Variants in PTPRN2 observed in about 807,000 individuals in gnomAD.
PTPRN2 encodes receptor-type tyrosine-protein phosphatase N2.
In PTPRN2, 74 loss-of-function variants were observed where a neutral mutation model predicts 118.8. The ratio of observed to expected loss-of-function variants is 0.62; its 90% CI spans 0.52 to 0.76. PTPRN2 has a LOEUF of 0.76. Among genes scored for constraint, PTPRN2 ranks in the 30% least tolerant of loss-of-function variants. The pLI is 0.00. For synonymous variants in PTPRN2, 641 were observed against 608.0 expected (o/e 1.05, Z -0.80); for missense variants, 1,481 against 1,394.4 (o/e 1.06, Z -0.99).
intron 2 of PTPRN2, among the ~76,000 whole-genome samples, chr7:158,410,375 C>T (rs1813946770): frequency 6.6e-6 from 1 of 152,162 alleles, no homozygotes; most frequent in South Asian, 2.1e-4. Flanking sequence ...GTCTCATCCC[C>T]GAGTACCCAG....
At chr7:157,843,984 G>A (rs750251256) in intron 12 of PTPRN2, among the ~76,000 whole-genome samples, 1 of 152,224 alleles carries the variant, frequency 6.6e-6, no homozygotes, top group Non-Finnish European at 1.5e-5. Flanking sequence ...CCACGGAGAG[G>A]AAAGGTGCAG....
In PTPRN2 at chr7:158,560,439, T is replaced by C. The variant is rs1256631064; in HGVS notation, c.112+27119A>G. 2.0e-5 allele frequency among the ~76,000 whole-genome samples: 3 copies of C among 152,218 alleles called. No homozygotes were observed. In the East Asian group the frequency reaches 5.8e-4, roughly 29 times the overall value. ...TGTTTTGGCCTCGCTAGGGGACAAA[T>C]GGGGGGTTTGCTTATTTTACATGAA... On this transcript the variant is annotated intron_variant, in intron 1 of 22. Coordinates refer to ENST00000389418, the MANE Select transcript of PTPRN2 (RefSeq NM_002847.5).
intron 2 of PTPRN2, among the ~76,000 whole-genome samples, chr7:158,340,567 T>C (rs1327660649): frequency 3.4e-5 from 4 of 118,412 alleles, no homozygotes; most frequent in Admixed American, 8.7e-5. Flanking sequence ...ACACCCACAA[T>C]CTCACCATAA....
chr7:158,138,770 C>T (rs62480210), intron 6 of PTPRN2, among the ~76,000 whole-genome samples: 3,394 of 152,294 alleles, frequency 0.022, 44 homozygotes, highest in Middle Eastern at 0.044. Flanking sequence ...CTCATCCACG[C>T]GCTCAGGAGG....
intron 12 of PTPRN2, chr7:157,739,268 A>G (rs1022232878): frequency 1.3e-5 from 2 of 152,228 alleles, no homozygotes; most frequent in African/African-American, 4.8e-5. Flanking sequence ...AATTACCCAC[A>G]TAACAGCAGC....
intron 2 of PTPRN2, among the ~76,000 whole-genome samples, chr7:158,472,045 C>A (rs1467853056): frequency 1.3e-5 from 2 of 152,250 alleles, no homozygotes; most frequent in Non-Finnish European, 2.9e-5. Context: ...GTTCCATTCC[C>A]ACCACGGTTC....
At chr7:158,123,290 C>T (rs559830917) in intron 9 of PTPRN2, among the ~76,000 whole-genome samples, 22 of 152,330 alleles carry the variant, frequency 1.4e-4, no homozygotes, top group South Asian at 1.0e-3. Flanking sequence ...AGAGAAGCAA[C>T]GCTTCGAGGG....
At chr7:157,723,172 C>T (rs777131700) in intron 12 of PTPRN2, among the ~76,000 whole-genome samples, 7 of 152,210 alleles carry the variant, frequency 4.6e-5, no homozygotes, top group African/African-American at 7.2e-5. Context: ...CTGAGGATAG[C>T]GGAGCTGCTC....
Position 158,167,187 on chromosome 7 carries a change from C to A in PTPRN2, c.654G>T (p.Pro218=). Residue 218 remains proline, a synonymous_variant, in exon 6 of 23, where the codon CCG becomes CCT. Coordinates refer to ENST00000389418, the MANE Select transcript of PTPRN2 (RefSeq NM_002847.5). The stretch of plus-strand genomic sequence containing the variant: ...CTGGCTGGAGCTGGCCGAGGGTCCG[C>A]GGCAGGAGGTCCTCGCGGAGCTGGG... ...SRTQLREDLL[P]RTLGQLQPDE... is the part of the protein sequence containing the mutation. 1 of 1,613,358 alleles carries A rather than the reference C, an allele frequency of 6.2e-7. No homozygotes were observed. Among genetic ancestry groups the A allele is most frequent in the Non-Finnish European group, 8.5e-7 (1 of 1,179,796 alleles).
chr7:158,089,562 T>TG (rs1491448104), intron 10 of PTPRN2, among the ~76,000 whole-genome samples: 4 of 116,044 alleles, frequency 3.4e-5, no homozygotes, highest in East Asian at 3.2e-4. Flanking sequence ...CACACAAACC[T>TG]TCTTCCCCTG....
At chr7:157,902,305 C>T (rs1008434377) in intron 11 of PTPRN2, among the ~76,000 whole-genome samples, 3 of 142,694 alleles carry the variant, frequency 2.1e-5, no homozygotes, top group Non-Finnish European at 4.6e-5. Flanking sequence ...AAGTGTGGTG[C>T]CGCCAACCCT....
In PTPRN2 at chr7:157,780,967, G is replaced by A. The variant is rs899879166; in HGVS notation, c.1789-98030C>T. On this transcript the variant is annotated intron_variant, in intron 12 of 22. Transcript: ENST00000389418. The surrounding 1 kb of genome is among the most constrained non-coding windows in gnomAD (Gnocchi z 4.5). Reference sequence around the variant, plus strand: ...CAGCCCCTGAGCCAGGCAGCTCCAGGCCAAACCTTCTCTGGCCTCCTGCCG... The same window carrying A: ...CAGCCCCTGAGCCAGGCAGCTCCAGACCAAACCTTCTCTGGCCTCCTGCCG... Among the ~76,000 whole-genome samples the A allele has an allele frequency of 3.3e-5, 5 of 152,140 alleles. No individual in the cohort carries two copies. In the East Asian group the frequency reaches 5.8e-4, roughly 18 times the overall value.
At chr7:157,613,369 G>A (rs1034195528) in intron 15 of PTPRN2, among the ~76,000 whole-genome samples, 24 of 152,234 alleles carry the variant, frequency 1.6e-4, no homozygotes, top group African/African-American at 5.5e-4. Context: ...TGGCAGAGAC[G>A]GCTGCGGGGA....
chr7:157,729,498 C>T lies in PTPRN2; in HGVS notation c.1789-46561G>A, dbSNP rs1563047207. ...TTCCGCTGCTAAAATGCAAAGTTCC[C>T]CGAAGGCAGGTGGGCACTGTGCTGG... On this transcript the variant is annotated intron_variant, in intron 12 of 22. Transcript: ENST00000389418. This position sits in a 1 kb window ranked among gnomAD's most constrained non-coding sequence, Gnocchi z 4.3. Among the ~76,000 whole-genome samples the T allele has an allele frequency of 2.0e-5, 3 of 152,162 alleles. No homozygotes were observed.
intron 2 of PTPRN2, among the ~76,000 whole-genome samples, chr7:158,337,096 C>T (rs368538920): frequency 6.8e-6 from 1 of 147,960 alleles, no homozygotes; most frequent in Admixed American, 6.8e-5. Flanking sequence ...CTCACACCCA[C>T]ACTCTCACCA....
intron 12 of PTPRN2, among the ~76,000 whole-genome samples, chr7:157,811,767 C>G (rs371168055): frequency 6.6e-6 from 1 of 152,128 alleles, no homozygotes; most frequent in African/African-American, 2.4e-5. Context: ...CCTCATCTGA[C>G]GAGGTCCAAA....
intron 3 of PTPRN2, among the ~76,000 whole-genome samples, chr7:158,230,769 G>A (rs1829114816): frequency 6.6e-6 from 1 of 152,102 alleles, no homozygotes; most frequent in Non-Finnish European, 1.5e-5. Flanking sequence ...CAAGAATGAG[G>A]AGTTACAAAA....
chr7:157,653,064 T>C (rs1394320060), intron 14 of PTPRN2, among the ~76,000 whole-genome samples: 1 of 152,156 alleles, frequency 6.6e-6, no homozygotes, highest in African/African-American at 2.4e-5. Context: ...CCCTGCCACA[T>C]GTGTCCTTTG....
intron 12 of PTPRN2, among the ~76,000 whole-genome samples, chr7:157,774,360 C>CTT (rs2151033456): frequency 6.6e-6 from 1 of 152,344 alleles, no homozygotes; most frequent in Non-Finnish European, 1.5e-5. Context: ...GTAAAAATGG[C>CTT]TATGCAGGAG....
Sources: allele counts gnomAD v4.1 joint callset (sites outside exome capture counted in the v4.1 genomes callset), GRCh38; gene constraint gnomAD v4.1.1; non-coding constraint Gnocchi (gnomAD v3.1); transcripts MANE v1.5; gene names NCBI Gene and HGNC (gene_info 2026-07-23, HGNC 2026-07-21).